The following CFAP74 variants were observed in gnomAD, a reference collection of about 807,000 sequenced individuals.
CFAP74 encodes cilia and flagella associated protein 74, also known as cilia- and flagella-associated protein 74.
A neutral mutation model predicts 188.9 loss-of-function variants in CFAP74; 124 were observed. The observed-to-expected ratio is 0.66, with a 90% confidence interval of 0.57 to 0.76. The LOEUF (loss-of-function observed/expected upper bound fraction) is 0.76. Ranked by LOEUF, CFAP74 falls within the 30% of genes least tolerant of loss-of-function variation. The pLI is 0.00. For synonymous variants in CFAP74, 956 were observed against 916.7 expected, an observed-to-expected ratio of 1.04 and a Z score of -0.77; for missense variants, 2,198 against 2,165.2, an observed-to-expected ratio of 1.02 and a Z score of -0.30.
At chr1:1,949,069 TTTCC>T (rs1331657397) in intron 18 of CFAP74, among the ~76,000 whole-genome samples, 2 of 111,202 alleles carry the variant, frequency 1.8e-5, no homozygotes, top group Admixed American at 1.9e-4. Context: ...CCTTCCTTCC[TTTCC>T]TTTCCCTCCT....
intron 24 of CFAP74, among the ~76,000 whole-genome samples, chr1:1,939,338 G>T (rs1437829321): frequency 6.6e-6 from 1 of 152,240 alleles, no homozygotes; most frequent in Non-Finnish European, 1.5e-5. Context: ...GCCCCAGCAG[G>T]GGAAAGTTTC....
At chr1:1,949,639 G>A (rs761990831) in intron 18 of CFAP74, among the ~76,000 whole-genome samples, 8 of 152,192 alleles carry the variant, frequency 5.3e-5, no homozygotes, top group Admixed American at 1.3e-4. Context: ...CCGTGCCCAC[G>A]TCGCCCATGC....
At chr1:2,000,369 G>A (rs935069423) in intron 1 of CFAP74, among the ~76,000 whole-genome samples, 4 of 152,358 alleles carry the variant, frequency 2.6e-5, no homozygotes, top group African/African-American at 9.6e-5. Flanking sequence ...GGAGGACCAG[G>A]ACATGGGTTT....
rs1486859865 is a variant in CFAP74, at chr1:1,963,848, A to G, written c.1595T>C (p.Val532Ala). 4 of 1,613,492 alleles carry G rather than the reference A, an allele frequency of 2.5e-6. No individual in the cohort carries two copies. The South Asian group carries it at 3.3e-5, about 13-fold the overall frequency. Reference protein sequence around the residue: ...LHFQDFDIGKVYKKKITLVNT... With the variant: ...LHFQDFDIGKAYKKKITLVNT... Reference sequence around the variant, plus strand: ...TACCAACGTGATCTTTTTCTTGTACACTTTGCCAATATCAAAGTCCTGGGA... The same window carrying G: ...TACCAACGTGATCTTTTTCTTGTACGCTTTGCCAATATCAAAGTCCTGGGA... The change falls in exon 14 of 39, where the codon GTG (valine) becomes GCG (alanine). Residue 532 changes from valine (V) to alanine (A), a missense_variant. Transcript: ENST00000682832.
intron 18 of CFAP74, chr1:1,955,419 G>T (rs908079130): frequency 1.4e-6 from 2 of 1,462,134 alleles, no homozygotes; most frequent in Non-Finnish European, 1.8e-6. Flanking sequence ...CCCGCCCTGT[G>T]CGGCTCCGCC....
chr1:1,923,417 G>C lies in CFAP74; in HGVS notation c.4472C>G (p.Pro1491Arg). The change falls in exon 36 of 39, where the codon CCC (proline) becomes CGC (arginine). Residue 1491 changes from proline to arginine, a missense_variant. Pro to Arg is a moderately radical substitution (Grantham distance 103, BLOSUM62 -2). Coordinates refer to ENST00000682832, the MANE Select transcript of CFAP74 (RefSeq NM_001304360.2). This position sits in a 1 kb window ranked among gnomAD's most constrained non-coding sequence, Gnocchi z 6.3. ...AGGGATCGCTGTCAGAGACTCCACG[G>C]GCACGTCCAGGGGGTCGCCGCCCTC... ...FVEGGDPLDV[P>R]VESLTAIPVF... 6.2e-7 allele frequency: 1 copy of C among 1,600,726 alleles called. No individual in the cohort carries two copies. Among genetic ancestry groups the C allele is most frequent in the African/African-American group, 1.3e-5 (1 of 74,922 alleles).
intron 5 of CFAP74, among the ~76,000 whole-genome samples, chr1:1,986,151 G>C (rs1017620132): frequency 5.9e-5 from 9 of 152,192 alleles, no homozygotes; most frequent in Non-Finnish European, 1.0e-4. Context: ...TTGGGAGGCC[G>C]AGGCGGGTGG....
intron 1 of CFAP74, among the ~76,000 whole-genome samples, chr1:1,996,608 C>T (rs529763218): frequency 6.6e-6 from 1 of 152,128 alleles, no homozygotes; most frequent in South Asian, 2.1e-4. Context: ...AGTGGACTGG[C>T]AGTAACAGAA....
At position 1,975,007 on chromosome 1, in the gene CFAP74, C is replaced by T. The variant is rs1287275082; in HGVS notation, c.501-809G>A. ...GTTCCACCCAGAGATGCGGCTCAGG[C>T]CGGGGCTGGCCACGCGAGGATCAGA... On this transcript the variant is annotated intron_variant, in intron 6 of 38. Transcript: ENST00000682832. The surrounding 1 kb of genome is among the most constrained non-coding windows in gnomAD (Gnocchi z 4.5). Among the ~76,000 whole-genome samples, 1 of 152,234 alleles carries T rather than the reference C, an allele frequency of 6.6e-6. No individual in the cohort carries two copies. The highest frequency in any genetic ancestry group is 1.9e-4 in the East Asian group (1 of 5,202).
intron 16 of CFAP74, among the ~76,000 whole-genome samples, chr1:1,958,541 G>A (rs1012055548): frequency 6.6e-5 from 10 of 152,232 alleles, no homozygotes; most frequent in African/African-American, 2.2e-4. Context: ...GGGGGCCGGG[G>A]GGACAATGAT....
intron 12 of CFAP74, among the ~76,000 whole-genome samples, chr1:1,966,126 CAG>C (rs1655449161): frequency 6.6e-6 from 1 of 152,246 alleles, no homozygotes; most frequent in Non-Finnish European, 1.5e-5. Context: ...AGCTGTCTGT[CAG>C]GGGGAGCTTG....
chr1:1,928,483 G>C (rs1425725741), intron 27 of CFAP74, among the ~76,000 whole-genome samples: 2 of 152,222 alleles, frequency 1.3e-5, no homozygotes, highest in Non-Finnish European at 2.9e-5. Context: ...GGGGCCTCCA[G>C]GTTGTTGGAG....
Position 1,946,983 on chromosome 1 carries a change from G to A in CFAP74, c.2241+7C>T, listed in dbSNP as rs1009924091. 1 of 1,534,184 alleles carries A rather than the reference G, an allele frequency of 6.5e-7. No individual in the cohort carries two copies. Among genetic ancestry groups the A allele is most frequent in the African/African-American group, 1.4e-5 (1 of 73,150 alleles). ...TGGCAGCTATTTTAGGGCCTGAGCT[G>A]GCTGACCTCCCCCAGCGTGATCTCC... On this transcript the variant is annotated splice_region_variant and intron_variant, in intron 19 of 38. Transcript: ENST00000682832.
chr1:1,966,474 GA>G lies in CFAP74; in HGVS notation c.1297del (p.Ser433ProfsTer18). On this transcript the variant is annotated frameshift_variant, in exon 12 of 39. Transcript: ENST00000682832. LOFTEE classifies it high-confidence loss of function. ...PGPSRLLEVV[S>X]SELIQGDPGA... ...GGGGTCCCCCTGGATAAGCTCACTG[GA>G]AACGACTTCCAGCAACCGAGAGGGC... 6.2e-6 allele frequency: 10 copies of G among 1,602,624 alleles called. No homozygotes were observed. The highest frequency in any genetic ancestry group is 8.5e-6 in the Non-Finnish European group (10 of 1,173,072).
intron 1 of CFAP74, among the ~76,000 whole-genome samples, chr1:1,993,370 C>G (rs57460771): frequency 0.52 from 78,139 of 151,006 alleles, 22,110 homozygotes; most frequent in African/African-American, 0.76. Flanking sequence ...CTGCAGCCTC[C>G]AACTCCTGGG....
chr1:1,930,454 C>T (rs1330876102), intron 25 of CFAP74, 118 bp from the exon 26 acceptor site: 46 of 988,392 alleles, frequency 4.7e-5, no homozygotes, highest in Middle Eastern at 3.0e-4. Context: ...GGGACATGCA[C>T]GTTCCTGCTG....
At chr1:1,986,395 G>A (rs749577462) in intron 5 of CFAP74, among the ~76,000 whole-genome samples, 6 of 152,042 alleles carry the variant, frequency 3.9e-5, no homozygotes, top group Non-Finnish European at 8.8e-5. Context: ...CTGGCTGCTG[G>A]CCCTCTGCTC....
intron 18 of CFAP74, among the ~76,000 whole-genome samples, chr1:1,947,722 A>G (rs547510800): frequency 6.6e-6 from 1 of 152,360 alleles, no homozygotes; most frequent in South Asian, 2.1e-4. Context: ...CAGCCAGGCC[A>G]GGTCACTGTG....
intron 29 of CFAP74, 39 bp from the exon 30 acceptor site, chr1:1,926,800 C>T: frequency 6.5e-7 from 1 of 1,545,156 alleles, no homozygotes; most frequent in Non-Finnish European, 8.8e-7. Flanking sequence ...GGGTGGGCGG[C>T]CCCCTGCCCG....
Sources: allele counts gnomAD v4.1 joint callset (sites outside exome capture counted in the v4.1 genomes callset), GRCh38; gene constraint gnomAD v4.1.1; non-coding constraint Gnocchi (gnomAD v3.1); transcripts MANE v1.5; gene names NCBI Gene and HGNC (gene_info 2026-07-23, HGNC 2026-07-21).